The following PRICKLE1 variants were observed in gnomAD, a reference collection of about 807,000 sequenced individuals.
PRICKLE1 encodes the protein prickle-like protein 1.
Under a neutral mutation model 70.2 loss-of-function variants are expected in PRICKLE1, and 14 were observed. That is an observed-to-expected ratio of 0.20 (90% CI 0.13 to 0.31). The LOEUF is 0.31. PRICKLE1 is among the 10% of genes least tolerant of loss of function. The pLI is 1.00. For synonymous variants in PRICKLE1, 357 were observed against 379.9 expected (o/e 0.94, Z 0.70); for missense variants, 821 against 1,026.2 (o/e 0.80, Z 2.73).
At chr12:42,482,919 C>G (rs1244496366) in intron 1 of PRICKLE1, 1 of 152,222 alleles carries the variant, frequency 6.6e-6, no homozygotes, top group African/African-American at 2.4e-5. Flanking sequence ...CCCTGGGCCC[C>G]GCAAACTCTG....
At position 42,563,194 on chromosome 12, in the gene PRICKLE1, A is replaced by T. The variant is rs530331560; in HGVS notation, c.-49+26271T>A. On this transcript the variant is annotated intron_variant, in intron 1 of 7. Coordinates refer to ENST00000345127, the MANE Select transcript of PRICKLE1 (RefSeq NM_153026.3). Reference sequence around the variant, plus strand: ...CAAGACTCTGTCTCAAAAAAAAAAAATTTTTTTTGAACAGGACAATTTTAT... The same window carrying T: ...CAAGACTCTGTCTCAAAAAAAAAAATTTTTTTTTGAACAGGACAATTTTAT... 8.9e-3 allele frequency among the ~76,000 whole-genome samples: 1,351 copies of T among 151,546 alleles called. 13 individuals are homozygous for T. Among genetic ancestry groups the T allele is most frequent in the Middle Eastern group, 0.017 (5 of 294 alleles).
At chr12:42,512,971 T>C (rs1014071021) in intron 1 of PRICKLE1, among the ~76,000 whole-genome samples, 1 of 151,878 alleles carries the variant, frequency 6.6e-6, no homozygotes, top group South Asian at 2.1e-4. Flanking sequence ...TTATTATTAT[T>C]ATTGTTATTT....
At chr12:42,507,013 T>C (rs1192939316) in intron 1 of PRICKLE1, among the ~76,000 whole-genome samples, 6 of 152,224 alleles carry the variant, frequency 3.9e-5, no homozygotes, top group Non-Finnish European at 7.3e-5. Context: ...ATCTAATATC[T>C]AAACCCATTA....
At chr12:42,470,495 C>G (rs770898307) in intron 2 of PRICKLE1, 136 bp from the exon 3 acceptor site, 73 of 694,974 alleles carry the variant, frequency 1.1e-4, no homozygotes, top group Non-Finnish European at 1.7e-4. Flanking sequence ...TGAGCCAACT[C>G]AGCAGAACTG....
At chr12:42,515,008 C>A (rs11181534) in intron 1 of PRICKLE1, among the ~76,000 whole-genome samples, 3,076 of 152,068 alleles carry the variant, frequency 0.02, 52 homozygotes, top group Non-Finnish European at 0.029. Context: ...GGCACTGCAA[C>A]TTCCGCCTCC....
At position 42,464,166 on chromosome 12, in the gene PRICKLE1, T is replaced by C. The variant is rs534846941; in HGVS notation, c.1639+229A>G. Among the ~76,000 whole-genome samples the C allele has an allele frequency of 2.7e-4, 41 of 152,130 alleles. No homozygotes were observed. The South Asian group carries it at 8.3e-3, about 31-fold the overall frequency. On this transcript the variant is annotated intron_variant, in intron 7 of 7. Transcript: ENST00000345127. This position sits in a 1 kb window ranked among gnomAD's most constrained non-coding sequence, Gnocchi z 4.2. ...GCCTCAGCCTCCCGAGTAGCTGGGA[T>C]CACAGGCCCATGCCCAGCTAATTTT...
rs201217516 is a variant in PRICKLE1 at position 42,552,059 on chromosome 12, C to CTTTTT, written c.-49+37401_-49+37405dup. On this transcript the variant is annotated intron_variant, in intron 1 of 7. Transcript: ENST00000345127. ...AACCTGTACACATTCAAGAAAGTTA[C>CTTTTT]TTTTTTTTTTTTTTTTTTTTTTTTG... Among the ~76,000 whole-genome samples, 57 of 129,234 alleles carry CTTTTT rather than the reference C, an allele frequency of 4.4e-4. No individual in the cohort carries two copies. In the East Asian group the frequency reaches 6.9e-3, roughly 16 times the overall value. 84.8% of individuals were successfully genotyped at this position (129,234 alleles called of 152,430 possible). A position where few individuals can be genotyped will look rare whatever the true frequency, so the allele number is the denominator to read the frequency against.
chr12:42,460,364 G>A lies in PRICKLE1; in HGVS notation c.1941C>T (p.Ile647=). 6.2e-7 allele frequency: 1 copy of A among 1,614,118 alleles called. No individual in the cohort carries two copies. Among genetic ancestry groups the A allele is most frequent in the Non-Finnish European group, 8.5e-7 (1 of 1,180,020 alleles). ...VIDNGNYDIE[I]RQPPMSERTR... ...TCCTTTCACTCATCGGAGGCTGCCG[G>A]ATTTCAATGTCATAGTTCCCATTGT... Residue 647 remains isoleucine (I), a synonymous_variant, in exon 8 of 8, where the codon ATC becomes ATT. Transcript: ENST00000345127.
At chr12:42,468,172 A>G (rs565659471) in intron 5 of PRICKLE1, among the ~76,000 whole-genome samples, 1 of 152,374 alleles carries the variant, frequency 6.6e-6, no homozygotes, top group Non-Finnish European at 1.5e-5. Flanking sequence ...CTTTCAAGCC[A>G]TCATCCATTC....
chr12:42,496,467 T>A (rs1939202653), intron 1 of PRICKLE1, among the ~76,000 whole-genome samples: 1 of 152,218 alleles, frequency 6.6e-6, no homozygotes, highest in Non-Finnish European at 1.5e-5. Context: ...ACCAGCTGCA[T>A]CAGCTCCTAA....
chr12:42,543,367 CTT>C (rs35278944), intron 1 of PRICKLE1, among the ~76,000 whole-genome samples: 7 of 143,260 alleles, frequency 4.9e-5, no homozygotes, highest in African/African-American at 7.7e-5. Context: ...ATGTATAACT[CTT>C]TTTTTTTTTT....
intron 7 of PRICKLE1, among the ~76,000 whole-genome samples, chr12:42,462,281 AC>A (rs1447962009): frequency 6.6e-6 from 1 of 150,416 alleles, no homozygotes; most frequent in Non-Finnish European, 1.5e-5. Context: ...GCTCACTGCA[AC>A]CTCCGCCTCC....
intron 1 of PRICKLE1, among the ~76,000 whole-genome samples, chr12:42,573,623 G>A (rs891778928): frequency 3.9e-5 from 6 of 152,032 alleles, no homozygotes; most frequent in African/African-American, 1.4e-4. Flanking sequence ...AGGCTGGAGT[G>A]CAGTGGCAAG....
chr12:42,519,056 G>A (rs1939661313), intron 1 of PRICKLE1, among the ~76,000 whole-genome samples: 1 of 152,086 alleles, frequency 6.6e-6, no homozygotes, highest in African/African-American at 2.4e-5. Flanking sequence ...CTTGGCACAT[G>A]ACCCTCAAGT....
chr12:42,557,006 A>C (rs1040557147), intron 1 of PRICKLE1, among the ~76,000 whole-genome samples: 5 of 151,390 alleles, frequency 3.3e-5, no homozygotes, highest in Non-Finnish European at 5.9e-5. Flanking sequence ...TTTTTTTTTA[A>C]AGAGGCAGGT....
At chr12:42,531,693 C>T (rs1939920933) in intron 1 of PRICKLE1, among the ~76,000 whole-genome samples, 1 of 152,088 alleles carries the variant, frequency 6.6e-6, no homozygotes, top group Admixed American at 6.5e-5. Context: ...TTAATGGTAG[C>T]TACCATTAAT....
At chr12:42,480,205 G>T (rs1049550809) in intron 1 of PRICKLE1, among the ~76,000 whole-genome samples, 3 of 152,114 alleles carry the variant, frequency 2.0e-5, no homozygotes, top group Admixed American at 6.5e-5. Context: ...CTCTTATTAA[G>T]GTGCCTTTCT....
At chr12:42,505,984 C>A (rs961480821) in intron 1 of PRICKLE1, among the ~76,000 whole-genome samples, 1 of 152,112 alleles carries the variant, frequency 6.6e-6, no homozygotes, top group Non-Finnish European at 1.5e-5. Context: ...TACCAGCTCT[C>A]CTAAAAAAGT....
intron 1 of PRICKLE1, among the ~76,000 whole-genome samples, chr12:42,547,368 G>C (rs1344729665): frequency 6.6e-6 from 1 of 152,168 alleles, no homozygotes; most frequent in Non-Finnish European, 1.5e-5. Context: ...AATGAGGCTA[G>C]CAAAAGGTAT....
Sources: allele counts gnomAD v4.1 joint callset (sites outside exome capture counted in the v4.1 genomes callset), GRCh38; gene constraint gnomAD v4.1.1; non-coding constraint Gnocchi (gnomAD v3.1); transcripts MANE v1.5; gene names NCBI Gene and HGNC (gene_info 2026-07-23, HGNC 2026-07-21).